Variants in ANK3 observed in about 807,000 individuals in gnomAD.
ANK3 encodes the protein ankyrin-3.
In ANK3, 57 loss-of-function variants were observed where a neutral mutation model predicts 370.9. The ratio of observed to expected loss-of-function variants is 0.15; its 90% CI spans 0.12 to 0.19. The LOEUF is 0.19. ANK3 is among the 10% of genes least tolerant of loss of function. The pLI is 1.00. For missense variants in ANK3, 4,439 were observed against 5,302.1 expected (o/e 0.84, Z 5.06); for synonymous variants, 1,929 against 1,946.3 (o/e 0.99, Z 0.23).
intron 43 of ANK3, among the ~76,000 whole-genome samples, chr10:60,042,185 TA>T (rs1564568283): frequency 1.3e-5 from 2 of 152,200 alleles, no homozygotes. Flanking sequence ...TTTGTTTCTA[TA>T]AAACACCAGA....
At chr10:60,722,851 C>G (rs1241797942) in intron 1 of ANK3, among the ~76,000 whole-genome samples, 1 of 152,168 alleles carries the variant, frequency 6.6e-6, no homozygotes, top group East Asian at 1.9e-4. Flanking sequence ...CCTGTCTTTG[C>G]CTTCCAGCAA....
At chr10:60,600,703 GTGCATAC>G (rs961394309) in intron 2 of ANK3, among the ~76,000 whole-genome samples, 7 of 152,072 alleles carry the variant, frequency 4.6e-5, no homozygotes, top group African/African-American at 1.7e-4. Flanking sequence ...AAATATGTGA[GTGCATAC>G]TGAAGTTTTA....
At chr10:60,078,647 A>G (rs2084373345) in intron 36 of ANK3, among the ~76,000 whole-genome samples, 1 of 152,164 alleles carries the variant, frequency 6.6e-6, no homozygotes, top group Non-Finnish European at 1.5e-5. Context: ...GGATCCCTTT[A>G]TAAGAGGGAA....
At chr10:60,164,610 C>T (rs2132289880) in intron 23 of ANK3, among the ~76,000 whole-genome samples, 1 of 152,254 alleles carries the variant, frequency 6.6e-6, no homozygotes, top group South Asian at 2.1e-4. Flanking sequence ...TTCCCATCAA[C>T]TTGGTCAAAT....
At chr10:60,356,662 C>T (rs543260766) in intron 1 of ANK3, among the ~76,000 whole-genome samples, 2 of 152,314 alleles carry the variant, frequency 1.3e-5, no homozygotes. Context: ...ATCCAAGGTC[C>T]CCTTGATCAC....
chr10:60,640,104 T>A (rs2078610487), intron 1 of ANK3, among the ~76,000 whole-genome samples: 1 of 151,964 alleles, frequency 6.6e-6, no homozygotes, highest in Admixed American at 6.6e-5. Flanking sequence ...AAGAATATTA[T>A]CATCAGTAAA....
At chr10:60,387,583 T>G (rs1330501178) in intron 1 of ANK3, among the ~76,000 whole-genome samples, 5 of 152,230 alleles carry the variant, frequency 3.3e-5, no homozygotes, top group African/African-American at 9.6e-5. Context: ...GAGCCAGTTT[T>G]AGGATCTACT....
chr10:60,255,237 T>C (rs990838853), intron 7 of ANK3, among the ~76,000 whole-genome samples: 1 of 152,186 alleles, frequency 6.6e-6, no homozygotes, highest in Admixed American at 6.5e-5. Flanking sequence ...GGCAGAATTG[T>C]TGATGTTTTT....
At chr10:60,043,099 CTG>C (rs1377850967) in intron 42 of ANK3, 1 of 1,042,384 alleles carries the variant, frequency 9.6e-7, no homozygotes, top group Admixed American at 5.4e-5. Flanking sequence ...TGTAAACAAT[CTG>C]TTGCAATGAG....
At chr10:60,034,496 C>T (rs2074470809) in intron 43 of ANK3, among the ~76,000 whole-genome samples, 1 of 152,190 alleles carries the variant, frequency 6.6e-6, no homozygotes, top group Non-Finnish European at 1.5e-5. Context: ...TGCCAGGTAT[C>T]AACTACAAAT....
At chr10:60,364,506 A>G (rs2059123125) in intron 1 of ANK3, among the ~76,000 whole-genome samples, 1 of 151,676 alleles carries the variant, frequency 6.6e-6, no homozygotes, top group East Asian at 1.9e-4. Context: ...GAACACATGG[A>G]CCCAGGGAGG....
intron 18 of ANK3, among the ~76,000 whole-genome samples, chr10:60,180,900 A>C (rs777166991): frequency 2.0e-5 from 3 of 152,176 alleles, no homozygotes; most frequent in Non-Finnish European, 4.4e-5. Flanking sequence ...GCAAGTGAGT[A>C]ATATTTAAAT....
intron 1 of ANK3, among the ~76,000 whole-genome samples, chr10:60,712,891 T>C (rs896718322): frequency 1.3e-5 from 2 of 152,056 alleles, no homozygotes; most frequent in Non-Finnish European, 2.9e-5. Flanking sequence ...GATAAAAAGA[T>C]CAATATTCTA....
chr10:60,068,343 A>G (rs2082034366), intron 37 of ANK3, among the ~76,000 whole-genome samples: 1 of 152,230 alleles, frequency 6.6e-6, no homozygotes, highest in Non-Finnish European at 1.5e-5. Context: ...AATCATATCC[A>G]TTAGCACATT....
chr10:60,471,877 A>G (rs2065227977), intron 2 of ANK3, among the ~76,000 whole-genome samples: 1 of 152,096 alleles, frequency 6.6e-6, no homozygotes, highest in South Asian at 2.1e-4. Context: ...GCCACTAGAT[A>G]CTGGAGCTTT....
chr10:60,518,796 T>C (rs150068762), intron 2 of ANK3, among the ~76,000 whole-genome samples: 125 of 152,230 alleles, frequency 8.2e-4, no homozygotes, highest in African/African-American at 2.9e-3. Flanking sequence ...ATTTTTTTGA[T>C]GGAAACAGCT....
chr10:60,245,340 G>A (rs1437731948), intron 7 of ANK3, among the ~76,000 whole-genome samples: 2 of 116,398 alleles, frequency 1.7e-5, no homozygotes, highest in Admixed American at 1.9e-4. Flanking sequence ...TTTTATAATG[G>A]CATTATTAAG....
chr10:60,117,279 T>C (rs937332422), intron 25 of ANK3, among the ~76,000 whole-genome samples: 3 of 152,122 alleles, frequency 2.0e-5, no homozygotes, highest in Non-Finnish European at 4.4e-5. Context: ...GGAATTTTCA[T>C]GGTTATGATG....
Position 60,166,831 on chromosome 10 carries a change from A to G in ANK3, c.2544T>C (p.Asp848=), listed in dbSNP as rs60764245. ...ETMNEVLDMS[D]DEVRKANAPE... is the part of the protein sequence containing the mutation. ...CAAAGAACATTTTCATACCTTCATC[A>G]TCAGACATATCAAGAACTTCATTCA... The change falls in exon 22 of 44, where the codon GAT becomes GAC. Residue 848 remains aspartate, a synonymous_variant. Coordinates refer to ENST00000280772, the MANE Select transcript of ANK3 (RefSeq NM_020987.5). The G allele has an allele frequency of 9.3e-4, 1,495 of 1,613,858 alleles. 15 individuals are homozygous for G. In the African/African-American group the frequency reaches 0.017, roughly 19 times the overall value.
Sources: allele counts gnomAD v4.1 joint callset (sites outside exome capture counted in the v4.1 genomes callset), GRCh38; gene constraint gnomAD v4.1.1; transcripts MANE v1.5; gene names NCBI Gene and HGNC (gene_info 2026-07-23, HGNC 2026-07-21).